GON4L: variants seen among roughly 807,000 people sequenced by gnomAD.
The protein encoded by GON4L is GON-4-like protein.
Under a neutral mutation model 211.8 loss-of-function variants are expected in GON4L, and 87 were observed. The observed-to-expected ratio is 0.41, with a 90% CI of 0.35 to 0.49. The LOEUF is 0.49. GON4L is among the 20% of genes least tolerant of loss of function. GON4L has a pLI of 0.15. For synonymous variants in GON4L, 875 were observed against 962.6 expected (o/e 0.91, Z 1.68); for missense variants, 2,155 against 2,659.5 (o/e 0.81, Z 4.17).
chr1:155,793,593 C>T (rs1332956455), intron 12 of GON4L, among the ~76,000 whole-genome samples: 1 of 152,074 alleles, frequency 6.6e-6, no homozygotes, highest in African/African-American at 2.4e-5. Context: ...GTTTTCTATG[C>T]TTGACACACT....
chr1:155,753,416 T>C lies in GON4L; in HGVS notation c.5632-2A>G. 1 of 1,610,850 alleles carries C rather than the reference T, an allele frequency of 6.2e-7. No homozygotes were observed. On this transcript the variant is annotated splice_acceptor_variant, in intron 28 of 31. Transcript: ENST00000368331. LOFTEE classifies it high-confidence loss of function. ...CTTGTAGGATTTGCTGTCACAGACC[T>C]GCAGGGATGGTCTTCCGGGTCAAAG...
intron 2 of GON4L, among the ~76,000 whole-genome samples, chr1:155,850,576 ACTCCC>A (rs1307175694): frequency 6.6e-6 from 1 of 152,178 alleles, no homozygotes; most frequent in African/African-American, 2.4e-5. Context: ...TTATTGCTAA[ACTCCC>A]TCATCTTGGG....
rs555569328 is a variant in GON4L at position 155,805,091 on chromosome 1, C to T, written c.1503G>A (p.Leu501=). Residue 501 remains leucine, a synonymous_variant, in exon 11 of 32, where the codon CTG becomes CTA. Transcript: ENST00000368331. ...IAFRTRSKMP[L]KDVPLGQLEA... is the part of the protein sequence containing the mutation. ...CTAATTGGCCCAGGGGAACATCTTT[C>T]AGGGGCATCTTAGAACGCGTTCGAA... 98 of 1,613,812 alleles carry T rather than the reference C, an allele frequency of 6.1e-5. No individual in the cohort carries two copies. The highest frequency in any genetic ancestry group is 3.3e-4 in the Admixed American group (20 of 59,976).
At chr1:155,797,677 C>T (rs1025142285) in intron 11 of GON4L, among the ~76,000 whole-genome samples, 9 of 145,028 alleles carry the variant, frequency 6.2e-5, no homozygotes, top group Middle Eastern at 3.5e-3. Context: ...GACCCCCCCC[C>T]TCCCGTCTCT....
Position 155,816,248 on chromosome 1 carries a change from C to A in GON4L, c.1029G>T (p.Trp343Cys). The change falls in exon 7 of 32, where the codon TGG (tryptophan) becomes TGT (cysteine). Residue 343 changes from tryptophan (W) to cysteine (C), a missense_variant. By Grantham distance (215) the Trp-to-Cys change is radical. This residue lies in a region of GON4L where 551 missense variants were observed against 854.0 expected (regional missense o/e 0.65). Transcript: ENST00000368331. ...TGGCCTTCTTAATTGGTGAAATATT[C>A]CATGTTGGAATTACCTACCAACAAA... ...VVEKGVVIPT[W>C]NISPIKKANE... The A allele has an allele frequency of 1.5e-6, 2 of 1,316,266 alleles. No individual in the cohort carries two copies. The highest frequency in any genetic ancestry group is 2.2e-6 in the Non-Finnish European group (2 of 910,460). The allele number at this position is 1,316,266 out of a possible 1,614,324, so 81.5% of individuals were successfully genotyped here.
At chr1:155,837,661 C>T (rs1391944419) in intron 2 of GON4L, among the ~76,000 whole-genome samples, 1 of 151,980 alleles carries the variant, frequency 6.6e-6, no homozygotes, top group Non-Finnish European at 1.5e-5. Flanking sequence ...GGGAAAGGTA[C>T]CCCTCATCCC....
chr1:155,816,770 T>C (rs996914396), intron 6 of GON4L, among the ~76,000 whole-genome samples: 6 of 89,266 alleles, frequency 6.7e-5, no homozygotes, highest in South Asian at 5.2e-4. Context: ...CTTTTTTTTT[T>C]CTTAAAAAAA....
chr1:155,748,602 T>A, downstream of GON4L: 1 of 1,613,358 alleles, frequency 6.2e-7, no homozygotes. Context: ...TCCTTCTCTT[T>A]AAGTGGTGAC....
chr1:155,825,580 A>C (rs541190070), intron 3 of GON4L, among the ~76,000 whole-genome samples: 81 of 133,664 alleles, frequency 6.1e-4, no homozygotes, highest in African/African-American at 1.8e-3. Context: ...TCAAAACAAA[A>C]AAAAAAAAAA....
At chr1:155,756,742 T>C (rs1460860508) in intron 27 of GON4L, 2 of 496,432 alleles carry the variant, frequency 4.0e-6, no homozygotes, top group Admixed American at 3.3e-5. Flanking sequence ...CTGGCCAACA[T>C]AGTGAAAATC....
At chr1:155,798,327 T>C (rs945873620) in intron 11 of GON4L, among the ~76,000 whole-genome samples, 2 of 150,774 alleles carry the variant, frequency 1.3e-5, no homozygotes, top group Admixed American at 1.3e-4. Flanking sequence ...ACAGATTCTT[T>C]ATTTCTTTAG....
chr1:155,818,389 G>A (rs1668448449), intron 6 of GON4L, among the ~76,000 whole-genome samples: 1 of 152,136 alleles, frequency 6.6e-6, no homozygotes, highest in Non-Finnish European at 1.5e-5. Context: ...TGGGATTACA[G>A]GCATGAGCCA....
intron 11 of GON4L, among the ~76,000 whole-genome samples, chr1:155,797,455 A>G (rs1159329723): frequency 6.8e-6 from 1 of 147,854 alleles, no homozygotes; most frequent in Non-Finnish European, 1.5e-5. Flanking sequence ...ATAAATGAGC[A>G]TCTTTTTTTT....
intron 27 of GON4L, among the ~76,000 whole-genome samples, chr1:155,754,903 CT>C (rs112004109): frequency 0.023 from 2,434 of 104,558 alleles, 20 homozygotes; most frequent in African/African-American, 0.033. Flanking sequence ...TCTCCCCATG[CT>C]TTTTTTTTTT....
At chr1:155,810,459 G>C (rs533343384) in intron 10 of GON4L, among the ~76,000 whole-genome samples, 1 of 151,794 alleles carries the variant, frequency 6.6e-6, no homozygotes, top group Non-Finnish European at 1.5e-5. Context: ...TGTAATCCTA[G>C]CACTTTGGGA....
intron 11 of GON4L, 25 bp downstream of exon 11, chr1:155,804,924 T>A: frequency 6.4e-7 from 1 of 1,570,708 alleles, no homozygotes; most frequent in Non-Finnish European, 8.8e-7. Context: ...ACAGTATACA[T>A]AATAAATCAC....
chr1:155,843,416 C>T (rs1670955525), intron 2 of GON4L, among the ~76,000 whole-genome samples: 1 of 152,064 alleles, frequency 6.6e-6, no homozygotes, highest in African/African-American at 2.4e-5. Flanking sequence ...GGTACCTAGG[C>T]CCCTACTTAT....
intron 14 of GON4L, among the ~76,000 whole-genome samples, chr1:155,782,336 G>A (rs547272062): frequency 6.6e-6 from 1 of 152,290 alleles, no homozygotes; most frequent in South Asian, 2.1e-4. Context: ...ATTCAGAGAT[G>A]GCTCCATAAG....
At chr1:155,824,119 A>G (rs1439424174) in intron 3 of GON4L, among the ~76,000 whole-genome samples, 2 of 151,938 alleles carry the variant, frequency 1.3e-5, no homozygotes, top group Non-Finnish European at 2.9e-5. Flanking sequence ...AAAGTATCCA[A>G]ATGCTCATCA....
Sources: allele counts gnomAD v4.1 joint callset (sites outside exome capture counted in the v4.1 genomes callset), GRCh38; gene constraint gnomAD v4.1.1; regional missense constraint gnomAD v4.1.1; transcripts MANE v1.5; gene names NCBI Gene and HGNC (gene_info 2026-07-23, HGNC 2026-07-21).